The following PAPSS2 variants were observed in gnomAD, a reference collection of about 807,000 sequenced individuals.
The protein encoded by PAPSS2 is 3'-phosphoadenosine 5'-phosphosulfate synthase 2, also known as bifunctional 3'-phosphoadenosine 5'-phosphosulfate synthase 2.
PAPSS2 carries 61 observed loss-of-function variants against 66.5 expected under a neutral mutation model. The ratio of observed to expected loss-of-function variants is 0.92; its 90% CI spans 0.75 to 1.14. The LOEUF (loss-of-function observed/expected upper bound fraction) is 1.14. PAPSS2 is among the 50% of genes most tolerant of loss of function. The pLI is 0.00. For missense variants in PAPSS2, 708 were observed against 789.6 expected (o/e 0.90, Z 1.24); for synonymous variants, 289 against 287.5 (o/e 1.01, Z -0.05).
At chr10:87,704,398 G>A (rs1026297882) in intron 1 of PAPSS2, among the ~76,000 whole-genome samples, 1 of 152,190 alleles carries the variant, frequency 6.6e-6, no homozygotes, top group South Asian at 2.1e-4. Context: ...GATTAACAGA[G>A]CTTGGAGTTT....
intron 4 of PAPSS2, 110 bp downstream of exon 4, chr10:87,714,292 A>G (rs986891560): frequency 4.0e-5 from 47 of 1,168,146 alleles, no homozygotes; most frequent in Non-Finnish European, 6.0e-5. Context: ...CCAAAATTGC[A>G]TATAACATGC....
chr10:87,708,226 C>T (rs1853416737), intron 1 of PAPSS2, among the ~76,000 whole-genome samples: 1 of 152,190 alleles, frequency 6.6e-6, no homozygotes, highest in Non-Finnish European at 1.5e-5. Flanking sequence ...GATTTTATTA[C>T]AGCCAAAATA....
chr10:87,705,075 C>G (rs561241265), intron 1 of PAPSS2, among the ~76,000 whole-genome samples: 1 of 152,326 alleles, frequency 6.6e-6, no homozygotes, highest in South Asian at 2.1e-4. Context: ...AAACCCTTAT[C>G]AAGACATAAA....
intron 1 of PAPSS2, among the ~76,000 whole-genome samples, chr10:87,695,596 G>A (rs897323868): frequency 2.0e-5 from 3 of 152,182 alleles, no homozygotes; most frequent in Admixed American, 6.5e-5. Context: ...TAAGCCTGAA[G>A]GTTGAAGTGG....
intron 1 of PAPSS2, among the ~76,000 whole-genome samples, chr10:87,682,450 C>T (rs367701309): frequency 6.6e-6 from 1 of 152,336 alleles, no homozygotes; most frequent in Non-Finnish European, 1.5e-5. Context: ...TTTCCTGGCA[C>T]TATATAAAAC....
At chr10:87,693,818 C>A (rs1046385187) in intron 1 of PAPSS2, among the ~76,000 whole-genome samples, 2 of 152,174 alleles carry the variant, frequency 1.3e-5, no homozygotes, top group African/African-American at 4.8e-5. Context: ...AATGGTAGTT[C>A]GTTCTTTTAA....
chr10:87,698,577 G>A lies in PAPSS2; in HGVS notation c.28-10619G>A, dbSNP rs373455665. On this transcript the variant is annotated intron_variant, in intron 1 of 12. Coordinates refer to ENST00000456849, the MANE Select transcript of PAPSS2 (RefSeq NM_001015880.2). ...TAATCCTATAGTGTTGGAGGCTTCC[G>A]AGAGGCATTGTTTGCATGATAAGTA... 3.9e-5 allele frequency among the ~76,000 whole-genome samples: 6 copies of A among 152,286 alleles called. No homozygotes were observed. The East Asian group carries it at 5.8e-4, about 15-fold the overall frequency.
At chr10:87,737,417 C>T (rs547701229) in intron 9 of PAPSS2, among the ~76,000 whole-genome samples, 2 of 152,128 alleles carry the variant, frequency 1.3e-5, no homozygotes, top group Non-Finnish European at 2.9e-5. Flanking sequence ...AAATTATCAT[C>T]TTAACCTTCT....
In PAPSS2 at chr10:87,661,593, G is replaced by A. The variant is rs1272031102; in HGVS notation, c.27+1585G>A. ...GGGACTTTGTCAAGCATTAGAAAGG[G>A]ACGAGGTGGTCTCTCCTCTTGATGC... On this transcript the variant is annotated intron_variant, in intron 1 of 12. Coordinates refer to ENST00000456849, the MANE Select transcript of PAPSS2 (RefSeq NM_001015880.2). Among the ~76,000 whole-genome samples, 8 of 152,228 alleles carry A rather than the reference G, an allele frequency of 5.3e-5. No individual in the cohort carries two copies. In the South Asian group the frequency reaches 1.7e-3, roughly 32 times the overall value.
chr10:87,738,388 CTTG>C lies in PAPSS2; in HGVS notation c.1087-2844_1087-2842del, dbSNP rs141396274. On this transcript the variant is annotated intron_variant, in intron 9 of 12. Transcript: ENST00000456849. ...TTCTACATCCTCACCAACACCAACA[CTTG>C]TTTTTTTTCTTTTCTGTGTGTGTGT... Among the ~76,000 whole-genome samples the C allele has an allele frequency of 6.2e-3, 935 of 151,726 alleles. 12 individuals are homozygous for C. Among genetic ancestry groups the C allele is most frequent in the South Asian group, 0.017 (80 of 4,788 alleles).
intron 8 of PAPSS2, among the ~76,000 whole-genome samples, chr10:87,723,712 G>T (rs1768639021): frequency 6.6e-6 from 1 of 152,096 alleles, no homozygotes; most frequent in Non-Finnish European, 1.5e-5. Flanking sequence ...TTAGGTTCTA[G>T]TAACCTTTGG....
intron 1 of PAPSS2, among the ~76,000 whole-genome samples, chr10:87,697,988 C>G (rs947608154): frequency 4.6e-5 from 7 of 152,146 alleles, no homozygotes; most frequent in African/African-American, 1.7e-4. Context: ...TGAATTTGCC[C>G]TCTAGGGTTT....
intron 8 of PAPSS2, among the ~76,000 whole-genome samples, chr10:87,724,010 T>C (rs1311616177): frequency 1.3e-5 from 2 of 152,152 alleles, no homozygotes; most frequent in African/African-American, 2.4e-5. Context: ...AAATTGTCCC[T>C]AATATTATTT....
At chr10:87,745,685 T>C in intron 12 of PAPSS2, 147 bp from the exon 13 acceptor site, 1 of 743,062 alleles carries the variant, frequency 1.3e-6, no homozygotes, top group Non-Finnish European at 2.3e-6. Context: ...TTCTGCAAGT[T>C]CCTGAAGATT....
intron 1 of PAPSS2, among the ~76,000 whole-genome samples, chr10:87,689,461 A>T (rs1853137597): frequency 1.3e-5 from 2 of 152,006 alleles, no homozygotes; most frequent in Admixed American, 6.5e-5. Context: ...ACCTGAAGTC[A>T]GGAGTTCGAG....
At chr10:87,738,519 CCCACCTCAGCCTG>C (rs1454055753) in intron 9 of PAPSS2, among the ~76,000 whole-genome samples, 2 of 152,138 alleles carry the variant, frequency 1.3e-5, no homozygotes, top group African/African-American at 4.8e-5. Context: ...AGGTGATCCT[CCCACCTCAGCCTG>C]CTGAGTAGCT....
chr10:87,683,107 T>C (rs1359741752), intron 1 of PAPSS2, among the ~76,000 whole-genome samples: 8 of 133,932 alleles, frequency 6.0e-5, no homozygotes, highest in African/African-American at 1.1e-4. Context: ...TTTTTTTTTT[T>C]TGAGACAGAG....
intron 9 of PAPSS2, among the ~76,000 whole-genome samples, chr10:87,740,137 A>G (rs1853849088): frequency 6.6e-6 from 1 of 152,184 alleles, no homozygotes; most frequent in Non-Finnish European, 1.5e-5. Flanking sequence ...GAACCTGATA[A>G]TTCAAGGAAA....
chr10:87,727,672 C>T (rs1853677156), intron 9 of PAPSS2, among the ~76,000 whole-genome samples, 183 bp downstream of exon 9: 1 of 152,172 alleles, frequency 6.6e-6, no homozygotes, highest in African/African-American at 2.4e-5. Flanking sequence ...AAAGAAATGT[C>T]TTTCTGTTTG....
Sources: allele counts gnomAD v4.1 joint callset (sites outside exome capture counted in the v4.1 genomes callset), GRCh38; gene constraint gnomAD v4.1.1; transcripts MANE v1.5; gene names NCBI Gene and HGNC (gene_info 2026-07-23, HGNC 2026-07-21).